RERE: variants seen among roughly 807,000 people sequenced by gnomAD.
RERE encodes arginine-glutamic acid dipeptide repeats.
A neutral mutation model predicts 146.1 loss-of-function variants in RERE; 40 were observed. The ratio of observed to expected loss-of-function variants is 0.27; its 90% CI spans 0.21 to 0.36. The LOEUF (loss-of-function observed/expected upper bound fraction) is 0.36. RERE is among the 10% of genes least tolerant of loss of function. RERE has a pLI of 1.00. For synonymous variants in RERE, 1,003 were observed against 866.0 expected (o/e 1.16, Z -2.78); for missense variants, 1,933 against 2,138.7 (o/e 0.90, Z 1.90).
chr1:8,612,622 G>T (rs2124187255), intron 4 of RERE, among the ~76,000 whole-genome samples: 1 of 152,186 alleles, frequency 6.6e-6, no homozygotes, highest in Middle Eastern at 3.4e-3. Context: ...TTATGGGGAA[G>T]ACTTAAAATC....
chr1:8,441,722 T>TA (rs559109987), intron 11 of RERE, among the ~76,000 whole-genome samples: 4 of 152,294 alleles, frequency 2.6e-5, no homozygotes, highest in African/African-American at 7.2e-5. Flanking sequence ...ATCTACTTAC[T>TA]CACATAAACA....
Position 8,365,960 on chromosome 1 carries a change from G to A in RERE, c.1299C>T (p.Thr433=), listed in dbSNP as rs1641789011. Residue 433 remains threonine (T), a synonymous_variant, in exon 13 of 23, where the codon ACC becomes ACT. Coordinates refer to ENST00000400908, the MANE Select transcript of RERE (RefSeq NM_001042681.2). The stretch of plus-strand genomic sequence containing the variant: ...GGGTCTTCTTCCAATAGTAATAGAA[G>A]GTGATCAGCTCCCCCTGCAGAAGAG... ...LPNKETGELI[T]FYYYWKKTPE... is the part of the protein sequence containing the mutation. The A allele has an allele frequency of 6.2e-7, 1 of 1,613,528 alleles. No homozygotes were observed. The highest frequency in any genetic ancestry group is 8.5e-7 in the Non-Finnish European group (1 of 1,180,014).
At chr1:8,360,020 T>C (rs1641492096) in intron 18 of RERE, 34 bp from the exon 19 acceptor site, 2 of 1,608,108 alleles carry the variant, frequency 1.2e-6, no homozygotes, top group Non-Finnish European at 1.7e-6. Flanking sequence ...TGGGAGCTCC[T>C]GCCGAGACCC....
chr1:8,382,632 G>A (rs1642496448), intron 12 of RERE, among the ~76,000 whole-genome samples: 2 of 152,142 alleles, frequency 1.3e-5, no homozygotes, highest in African/African-American at 2.4e-5. Context: ...ACGTTACTAC[G>A]TTACACACAA....
chr1:8,467,127 G>C (rs1170879991), intron 10 of RERE, among the ~76,000 whole-genome samples: 2 of 152,140 alleles, frequency 1.3e-5, no homozygotes, highest in Non-Finnish European at 1.5e-5. Context: ...CTAGGTTCTG[G>C]GACACAGCAG....
intron 1 of RERE, among the ~76,000 whole-genome samples, chr1:8,721,865 G>C (rs953019548): frequency 1.3e-5 from 2 of 152,098 alleles, no homozygotes; most frequent in African/African-American, 2.4e-5. Context: ...CCTTATCTCT[G>C]TCTTGACAGC....
chr1:8,724,484 A>C (rs887413288), intron 1 of RERE, among the ~76,000 whole-genome samples: 22 of 152,328 alleles, frequency 1.4e-4, no homozygotes, highest in African/African-American at 5.3e-4. Flanking sequence ...GAATTAAGCA[A>C]ATATCCCAAA....
At chr1:8,464,409 C>A (rs1460864485) in intron 11 of RERE, among the ~76,000 whole-genome samples, 1 of 152,204 alleles carries the variant, frequency 6.6e-6, no homozygotes, top group African/African-American at 2.4e-5. Flanking sequence ...GCCACACCAC[C>A]CAGCCACCAG....
chr1:8,553,146 G>T (rs1487608812), intron 6 of RERE, among the ~76,000 whole-genome samples: 1 of 150,482 alleles, frequency 6.6e-6, no homozygotes, highest in Non-Finnish European at 1.5e-5. Context: ...CACACAAGTA[G>T]GCCAGTGCAT....
intron 8 of RERE, among the ~76,000 whole-genome samples, chr1:8,498,812 G>A (rs1010048884): frequency 4.1e-5 from 6 of 146,432 alleles, no homozygotes; most frequent in African/African-American, 1.5e-4. Flanking sequence ...TCAGGGCAGT[G>A]ATTTCTTTAC....
At chr1:8,691,663 C>CA (rs1301785145) in intron 1 of RERE, among the ~76,000 whole-genome samples, 3 of 152,160 alleles carry the variant, frequency 2.0e-5, no homozygotes. Flanking sequence ...CACCAATACT[C>CA]AAAGAAGTCC....
At chr1:8,434,376 C>T (rs897474827) in intron 11 of RERE, among the ~76,000 whole-genome samples, 6 of 152,348 alleles carry the variant, frequency 3.9e-5, no homozygotes, top group African/African-American at 7.2e-5. Flanking sequence ...TAGAGAACTA[C>T]GCTGGTTGAA....
At chr1:8,465,904 C>T (rs760049299) in intron 11 of RERE, 21 bp downstream of exon 11, 1 of 1,609,556 alleles carries the variant, frequency 6.2e-7, no homozygotes. Context: ...GAGCACAAGG[C>T]AAATGCTGGT....
chr1:8,678,723 G>A (rs1406672519), intron 1 of RERE, among the ~76,000 whole-genome samples: 1 of 152,034 alleles, frequency 6.6e-6, no homozygotes, highest in Non-Finnish European at 1.5e-5. Flanking sequence ...AATACAAAAA[G>A]TAAATTATAA....
chr1:8,600,081 C>T (rs909282370), intron 4 of RERE, among the ~76,000 whole-genome samples: 1 of 152,130 alleles, frequency 6.6e-6, no homozygotes, highest in Non-Finnish European at 1.5e-5. Context: ...GTAGAGAATA[C>T]GTCTCACAAC....
chr1:8,361,675 G>C, intron 17 of RERE, 88 bp downstream of exon 17: 2 of 1,358,668 alleles, frequency 1.5e-6, no homozygotes, highest in African/African-American at 1.4e-5. Context: ...TAGGAGACAG[G>C]GCACGGCCAC....
chr1:8,735,811 C>A (rs1182891666), intron 1 of RERE, among the ~76,000 whole-genome samples: 1 of 152,102 alleles, frequency 6.6e-6, no homozygotes, highest in East Asian at 1.9e-4. Context: ...TCCAGCTCTG[C>A]CTTCCACCGT....
chr1:8,768,959 G>A (rs983534753), intron 1 of RERE, among the ~76,000 whole-genome samples: 6 of 152,136 alleles, frequency 3.9e-5, no homozygotes, highest in Admixed American at 6.5e-5. Context: ...GTCGGCAAAC[G>A]GTGGCCCACA....
intron 1 of RERE, among the ~76,000 whole-genome samples, chr1:8,726,172 T>TTTTTTTTTTTTTA (rs1639963713): frequency 8.3e-6 from 1 of 119,874 alleles, no homozygotes; most frequent in African/African-American, 3.3e-5. Context: ...TTTTTTTTTT[T>TTTTTTTTTTTTTA]GAGACGGAGT....
Sources: gnomAD v4.1 joint callset for allele counts (sites outside exome capture counted in the v4.1 genomes callset) on GRCh38, gnomAD v4.1.1 for gene constraint, MANE v1.5 for transcripts, NCBI Gene and HGNC (gene_info 2026-07-23, HGNC 2026-07-21) for gene names.